ZNF497: variants seen among roughly 807,000 people sequenced by gnomAD.
ZNF497 encodes zinc finger protein 497.
For missense variants in ZNF497, 930 were observed against 714.0 expected, an observed-to-expected ratio of 1.30 and a Z score of -3.45; for synonymous variants, 422 against 313.7, an observed-to-expected ratio of 1.35 and a Z score of -3.65.
rs201467235 is a variant in ZNF497 at position 58,356,462 on chromosome 19, C to A, written c.1174G>T (p.Gly392Cys). Residue 392 changes from glycine to cysteine, a missense_variant, in exon 3 of 3, where the codon GGC becomes TGC. Transcript: ENST00000311044. ...GAKPFACADC[G>C]KAFRGSSGLA... The stretch of plus-strand genomic sequence containing the variant: ...CCGGAACTGCCGCGGAAGGCCTTGC[C>A]GCAGTCGGCGCAGGCGAAGGGCTTG... 1.9e-5 allele frequency: 30 copies of A among 1,552,844 alleles called. No homozygotes were observed. Among genetic ancestry groups the A allele is most frequent in the Non-Finnish European group, 2.4e-5 (28 of 1,155,052 alleles).
At position 58,356,384 on chromosome 19, in the gene ZNF497, C is replaced by T. The variant is rs1284281108; in HGVS notation, c.1252G>A (p.Glu418Lys). 2 of 1,567,212 alleles carry T rather than the reference C, an allele frequency of 1.3e-6. No individual in the cohort carries two copies. The highest frequency in any genetic ancestry group is 1.2e-5 in the South Asian group (1 of 86,418). Reference protein sequence around the residue: ...HTGERPFACAECGKAFRGSSE... With the variant: ...HTGERPFACAKCGKAFRGSSE... ...CTGCCGCGGAAGGCCTTGCCGCATTCTGCGCAGGCGAAGGGTCGCTCTCCC... is the reference window on the plus strand; with the variant it reads ...CTGCCGCGGAAGGCCTTGCCGCATTTTGCGCAGGCGAAGGGTCGCTCTCCC... Residue 418 changes from glutamate (E) to lysine (K), a missense_variant, in exon 3 of 3, where the codon GAA (glutamate) becomes AAA (lysine). Physicochemically the swap from Glu to Lys is moderately conservative, Grantham distance 56. Coordinates refer to ENST00000311044, the MANE Select transcript of ZNF497 (RefSeq NM_198458.3).
rs1413382271 is a variant in ZNF497 at position 58,355,368 on chromosome 19, A to G, written c.*771T>C. On this transcript the variant is annotated 3_prime_UTR_variant, in exon 3 of 3. Coordinates refer to ENST00000311044, the MANE Select transcript of ZNF497 (RefSeq NM_198458.3). Reference sequence around the variant, plus strand: ...CTTACAAAAAATTTTAAAATTAGCCAGGTGTAGTGACGCAAGTCTGTCATC... The same window carrying G: ...CTTACAAAAAATTTTAAAATTAGCCGGGTGTAGTGACGCAAGTCTGTCATC... The G allele has an allele frequency of 6.6e-6, 1 of 152,236 alleles. No homozygotes were observed. Among genetic ancestry groups the G allele is most frequent in the African/African-American group, 2.4e-5 (1 of 41,454 alleles). 9.4% of individuals were successfully genotyped at this position (152,236 alleles called of 1,614,324 possible).
chr19:58,362,086 A>G (rs1329571511), intron 1 of ZNF497, among the ~76,000 whole-genome samples: 2 of 152,196 alleles, frequency 1.3e-5, no homozygotes, highest in African/African-American at 4.8e-5. Context: ...TCACCTCGAC[A>G]TGATCAGAGC....
chr19:58,360,723 GTAGAGA>G (rs1460372515), intron 1 of ZNF497, among the ~76,000 whole-genome samples: 3 of 133,924 alleles, frequency 2.2e-5, no homozygotes, highest in Non-Finnish European at 4.7e-5. Context: ...TTATTTTTTA[GTAGAGA>G]TGGGGTTTCA....
Position 58,354,736 on chromosome 19 carries a change from T to C in ZNF497, c.*1403A>G, listed in dbSNP as rs1482615784. On this transcript the variant is annotated 3_prime_UTR_variant, in exon 3 of 3. Transcript: ENST00000311044. ...GGGTGGACTGGGGGAGAATGCATTC[T>C]TTGCAGAAGAGACAACCAGGTGCTG... 11 of 152,480 alleles carry C rather than the reference T, an allele frequency of 7.2e-5. No individual in the cohort carries two copies. The highest frequency in any genetic ancestry group is 2.2e-4 in the African/African-American group (9 of 41,446). The allele number at this position is 152,480 out of a possible 1,614,324, so 9.4% of individuals were successfully genotyped here. A position where few individuals can be genotyped will look rare whatever the true frequency, so the allele number is the denominator to read the frequency against.
At chr19:58,358,001 T>C in intron 2 of ZNF497, 1 of 1,243,788 alleles carries the variant, frequency 8.0e-7, no homozygotes, top group Non-Finnish European at 1.0e-6. Flanking sequence ...CTTCACAGGG[T>C]GGGGCCCCAA....
rs771769380 is a variant in ZNF497, at chr19:58,357,425, C to T, written c.211G>A (p.Gly71Ser). 52 of 1,599,978 alleles carry T rather than the reference C, an allele frequency of 3.3e-5. No individual in the cohort carries two copies. Among genetic ancestry groups the T allele is most frequent in the East Asian group, 4.5e-5 (2 of 44,442 alleles). The change falls in exon 3 of 3, where the codon GGC becomes AGC. Residue 71 changes from glycine (G) to serine (S), a missense_variant. Physicochemically the swap from Gly to Ser is moderately conservative, Grantham distance 56 (BLOSUM62 0). Coordinates refer to ENST00000311044, the MANE Select transcript of ZNF497 (RefSeq NM_198458.3). ...LGAADEQGGP[G>S]RELGPADGGR... ...CCGTCTGCGGGGCCCAGCTCCCTGC[C>T]GGGGCCTCCCTGTTCGTCCGCCGCC...
At position 58,355,789 on chromosome 19, in the gene ZNF497, T is replaced by G. The variant is rs1169844974; in HGVS notation, c.*350A>C. The G allele has an allele frequency of 2.2e-5, 5 of 232,498 alleles. No homozygotes were observed. The South Asian group carries it at 5.3e-4, about 25-fold the overall frequency. 14.4% of individuals were successfully genotyped at this position (232,498 alleles called of 1,614,324 possible). ...TGACCATGTGGACTGGGGGGTGGGTTGGCTGCTTTTGACAGTGCCAGAGAA... is the reference window on the plus strand; with the variant it reads ...TGACCATGTGGACTGGGGGGTGGGTGGGCTGCTTTTGACAGTGCCAGAGAA... On this transcript the variant is annotated 3_prime_UTR_variant, in exon 3 of 3. Coordinates refer to ENST00000311044, the MANE Select transcript of ZNF497 (RefSeq NM_198458.3).
Position 58,357,317 on chromosome 19 carries a change from G to C in ZNF497, c.319C>G (p.Arg107Gly). Reference sequence around the variant, plus strand: ...AACGCCTTGCCGCACTCCCCGCACCGGCAGCCCGGCTCCTCTGGGAGAGGC... The same window carrying C: ...AACGCCTTGCCGCACTCCCCGCACCCGCAGCCCGGCTCCTCTGGGAGAGGC... ...PSPLPEEPGC[R>G]CGECGKAFSQ... Residue 107 changes from arginine to glycine, a missense_variant, in exon 3 of 3, where the codon CGG becomes GGG. Arg to Gly is a moderately radical substitution (Grantham distance 125). Coordinates refer to ENST00000311044, the MANE Select transcript of ZNF497 (RefSeq NM_198458.3). The C allele has an allele frequency of 1.9e-6, 3 of 1,605,586 alleles. No homozygotes were observed. Among genetic ancestry groups the C allele is most frequent in the Non-Finnish European group, 2.5e-6 (3 of 1,176,530 alleles).
At chr19:58,361,255 G>A (rs912175161) in intron 1 of ZNF497, among the ~76,000 whole-genome samples, 1 of 152,258 alleles carries the variant, frequency 6.6e-6, no homozygotes, top group African/African-American at 2.4e-5. Flanking sequence ...ACGGGGAGCA[G>A]AGGTAGGAGG....
chr19:58,361,089 C>T (rs923432163), intron 1 of ZNF497, among the ~76,000 whole-genome samples: 16 of 152,088 alleles, frequency 1.1e-4, no homozygotes, highest in African/African-American at 3.4e-4. Context: ...GCCGGTGGGC[C>T]GGTCCTGAAC....
chr19:58,355,148 C>T lies in ZNF497; in HGVS notation c.*991G>A, dbSNP rs879786043. On this transcript the variant is annotated 3_prime_UTR_variant, in exon 3 of 3. Transcript: ENST00000311044. ...AATCAGTCCCTAACTTATATCCCCT[C>T]TGTTTGAAATACCTAGTGTGGTTTC... The T allele has an allele frequency of 6.1e-5, 9 of 148,306 alleles. No homozygotes were observed. The highest frequency in any genetic ancestry group is 2.4e-4 in the African/African-American group (9 of 37,698). 9.2% of individuals were successfully genotyped at this position (148,306 alleles called of 1,614,324 possible).
At position 58,358,550 on chromosome 19, in the gene ZNF497, G is replaced by A; in HGVS notation, c.-76C>T. 1 of 1,188,762 alleles carries A rather than the reference G, an allele frequency of 8.4e-7. No individual in the cohort carries two copies. Among genetic ancestry groups the A allele is most frequent in the Non-Finnish European group, 1.1e-6 (1 of 941,426 alleles). The allele number at this position is 1,188,762 out of a possible 1,614,324, so 73.6% of individuals were successfully genotyped here. Reference sequence around the variant, plus strand: ...CTTGCTCCTCTCCCTCCTCTGTCCTGGGGACCAGCTCCTCTTGGGGCCTGG... The same window carrying A: ...CTTGCTCCTCTCCCTCCTCTGTCCTAGGGACCAGCTCCTCTTGGGGCCTGG... On this transcript the variant is annotated 5_prime_UTR_variant, in exon 2 of 3. Transcript: ENST00000311044.
Position 58,358,573 on chromosome 19 carries a change from TG to T in ZNF497, c.-100del. The T allele has an allele frequency of 8.4e-7, 1 of 1,188,556 alleles. No homozygotes were observed. Among genetic ancestry groups the T allele is most frequent in the Non-Finnish European group, 1.1e-6 (1 of 940,564 alleles). The allele number at this position is 1,188,556 out of a possible 1,614,324, so 73.6% of individuals were successfully genotyped here. ...CTGGGGACCAGCTCCTCTTGGGGCCTGGGGGCTGGCACCTGGGGACAGGAAG... is the reference window on the plus strand; with the variant it reads ...CTGGGGACCAGCTCCTCTTGGGGCCTGGGGCTGGCACCTGGGGACAGGAAG... On this transcript the variant is annotated 5_prime_UTR_variant, in exon 2 of 3. Transcript: ENST00000311044.
Position 58,356,892 on chromosome 19 carries a change from G to A in ZNF497, c.744C>T (p.Cys248=). The change falls in exon 3 of 3, where the codon TGC becomes TGT. Residue 248 remains cysteine (C), a synonymous_variant. Transcript: ENST00000311044. ...GGCTGAAGGCCTTGCCACAGTCCCG[G>A]CAGGCGTGCGGCCGCGCGCCCGTGT... ...RVHTGARPHA[C]RDCGKAFSQS... 2 of 1,592,710 alleles carry A rather than the reference G, an allele frequency of 1.3e-6. No individual in the cohort carries two copies. Among genetic ancestry groups the A allele is most frequent in the South Asian group, 1.1e-5 (1 of 89,940 alleles).
Position 58,356,709 on chromosome 19 carries a change from C to G in ZNF497, c.927G>C (p.Lys309Asn). ...GGAGCTGCGAGCTCTCGCGGAAAGCCTTTCCGCACTCGGCGCAGGGGAAGG... is the reference window on the plus strand; with the variant it reads ...GGAGCTGCGAGCTCTCGCGGAAAGCGTTTCCGCACTCGGCGCAGGGGAAGG... ...EKPFPCAECGKAFRESSQLLQ... is the reference protein window; with the variant it reads ...EKPFPCAECGNAFRESSQLLQ... Residue 309 changes from lysine (K) to asparagine (N), a missense_variant, in exon 3 of 3, where the codon AAG becomes AAC. By Grantham distance (94) the Lys-to-Asn change is moderately conservative. Coordinates refer to ENST00000311044, the MANE Select transcript of ZNF497 (RefSeq NM_198458.3). 4 of 1,567,952 alleles carry G rather than the reference C, an allele frequency of 2.6e-6. No individual in the cohort carries two copies. The highest frequency in any genetic ancestry group is 1.3e-5 in the African/African-American group (1 of 74,124).
At position 58,356,971 on chromosome 19, in the gene ZNF497, T is replaced by G. The variant is rs144974711; in HGVS notation, c.665A>C (p.Glu222Ala). Reference protein sequence around the residue: ...HTGEKPYECPECGKAFSWNSN... With the variant: ...HTGEKPYECPACGKAFSWNSN... ...GTTCCAGCTGAAGGCCTTGCCGCACTCCGGGCACTCGTAGGGCTTCTCGCC... is the reference window on the plus strand; with the variant it reads ...GTTCCAGCTGAAGGCCTTGCCGCACGCCGGGCACTCGTAGGGCTTCTCGCC... Residue 222 changes from glutamate (E) to alanine (A), a missense_variant, in exon 3 of 3, where the codon GAG becomes GCG. Glu to Ala is a moderately radical substitution (Grantham distance 107). Transcript: ENST00000311044. 2,781 of 1,607,896 alleles carry G rather than the reference T, an allele frequency of 1.7e-3. 3 individuals carry two copies. Among genetic ancestry groups the G allele is most frequent in the Middle Eastern group, 3.1e-3 (19 of 6,056 alleles).
Position 58,356,077 on chromosome 19 carries a change from A to C in ZNF497, c.*62T>G, listed in dbSNP as rs973484898. 121 of 1,460,282 alleles carry C rather than the reference A, an allele frequency of 8.3e-5. No individual in the cohort carries two copies. Among genetic ancestry groups the C allele is most frequent in the Non-Finnish European group, 1.1e-4 (118 of 1,110,670 alleles). The allele number at this position is 1,460,282 out of a possible 1,614,324, so 90.5% of individuals were successfully genotyped here. ...AAAAGTCTGGGCCAGCAGACAGCGC[A>C]CTCACGCCCGAGACCCCGCAATGCC... On this transcript the variant is annotated 3_prime_UTR_variant, in exon 3 of 3. Coordinates refer to ENST00000311044, the MANE Select transcript of ZNF497 (RefSeq NM_198458.3).
rs372268648 is a variant in ZNF497 at position 58,356,937 on chromosome 19, G to T, written c.699C>A (p.Phe233Leu). Residue 233 changes from phenylalanine to leucine, a missense_variant, in exon 3 of 3, where the codon TTC becomes TTA. Transcript: ENST00000311044. Reference protein sequence around the residue: ...CGKAFSWNSNFLEHRRVHTGA... With the variant: ...CGKAFSWNSNLLEHRRVHTGA... Reference sequence around the variant, plus strand: ...CCGTGTGCACGCGCCGGTGCTCCAGGAAATTGGAGTTCCAGCTGAAGGCCT... The same window carrying T: ...CCGTGTGCACGCGCCGGTGCTCCAGTAAATTGGAGTTCCAGCTGAAGGCCT... 6 of 1,594,084 alleles carry T rather than the reference G, an allele frequency of 3.8e-6. No homozygotes were observed. The highest frequency in any genetic ancestry group is 5.1e-6 in the Non-Finnish European group (6 of 1,174,376).
Sources: allele counts gnomAD v4.1 joint callset (sites outside exome capture counted in the v4.1 genomes callset), GRCh38; gene constraint gnomAD v4.1.1; transcripts MANE v1.5; gene names NCBI Gene and HGNC (gene_info 2026-07-23, HGNC 2026-07-21).